Variants in TCF4 observed in about 807,000 individuals in gnomAD.
The protein encoded by TCF4 is SL3-3 enhancer factor 2.
In TCF4, 3 loss-of-function variants were observed where a neutral mutation model predicts 82.1. The observed-to-expected ratio is 0.04, with a 90% CI of 0.02 to 0.09. The LOEUF is 0.09. TCF4 is among the 10% of genes least tolerant of loss of function. TCF4 has a pLI of 1.00. For synonymous variants in TCF4, 276 were observed against 309.6 expected, an observed-to-expected ratio of 0.89 and a Z score of 1.14; for missense variants, 518 against 852.7, an observed-to-expected ratio of 0.61 and a Z score of 4.89.
chr18:55,586,906 G>T, intron 2 of TCF4, 139 bp downstream of exon 2: 7 of 662,296 alleles, frequency 1.1e-5, no homozygotes, highest in African/African-American at 1.9e-5. Flanking sequence ...TTGTCAAAAA[G>T]ACCTTCATAT....
At chr18:55,414,806 GCAAAAGCAAAAC>G (rs763759393) in intron 5 of TCF4, among the ~76,000 whole-genome samples, 2 of 152,114 alleles carry the variant, frequency 1.3e-5, no homozygotes, top group Admixed American at 1.3e-4. Context: ...AACAGCAACT[GCAAAAGCAAAAC>G]AAAACAAAAA....
intron 16 of TCF4, among the ~76,000 whole-genome samples, chr18:55,233,505 A>G (rs2048458891): frequency 6.6e-6 from 1 of 152,166 alleles, no homozygotes; most frequent in Non-Finnish European, 1.5e-5. Context: ...AGAGGGCAAA[A>G]TCCAAAGCCT....
chr18:55,549,684 C>A (rs2097242212), intron 3 of TCF4, among the ~76,000 whole-genome samples: 1 of 152,058 alleles, frequency 6.6e-6, no homozygotes, highest in Non-Finnish European at 1.5e-5. Flanking sequence ...AAGCCTTCTT[C>A]TGGAATCCCT....
rs1568985609 is a variant in TCF4 at position 55,321,586 on chromosome 18, C to T, written c.549+28773G>A. ...GGTGCGGCAGTCCTGCACAACTTTG[C>T]AAACAATGATCACCACCTAGGATGC... is the stretch of plus-strand genomic sequence containing the variant. On this transcript the variant is annotated intron_variant, in intron 8 of 19. Transcript: ENST00000354452. The T allele has an allele frequency of 2.6e-6, 4 of 1,532,398 alleles. No individual in the cohort carries two copies. The Admixed American group carries it at 7.8e-5, about 30-fold the overall frequency. The allele number at this position is 1,532,398 out of a possible 1,614,324, so 94.9% of individuals were successfully genotyped here.
At chr18:55,231,841 T>C (rs1287251320) in intron 17 of TCF4, 4 of 152,202 alleles carry the variant, frequency 2.6e-5, no homozygotes, top group Admixed American at 6.5e-5. Context: ...TTGGTTGAAT[T>C]TGTGAATAAA....
chr18:55,290,247 A>C (rs2064733868), intron 8 of TCF4, among the ~76,000 whole-genome samples: 1 of 152,192 alleles, frequency 6.6e-6, no homozygotes, highest in African/African-American at 2.4e-5. Context: ...ATCCTTAAGA[A>C]AGGACTTAAG....
intron 3 of TCF4, among the ~76,000 whole-genome samples, chr18:55,554,492 T>C (rs1038480567): frequency 6.6e-6 from 1 of 152,218 alleles, no homozygotes; most frequent in African/African-American, 2.4e-5. Context: ...GAAATTCTTA[T>C]ATTTTTTATT....
intron 3 of TCF4, among the ~76,000 whole-genome samples, chr18:55,471,719 T>C (rs1468617557): frequency 6.6e-6 from 1 of 151,264 alleles, no homozygotes; most frequent in Non-Finnish European, 1.5e-5. Context: ...TGATCCAAGA[T>C]TGTGCCACTG....
intron 3 of TCF4, among the ~76,000 whole-genome samples, chr18:55,534,247 G>GA (rs2097095617): frequency 6.6e-6 from 1 of 152,222 alleles, no homozygotes; most frequent in South Asian, 2.1e-4. Context: ...TCAGATTAGG[G>GA]ACGCTCAACC....
intron 3 of TCF4, chr18:55,553,126 TA>T (rs1458902345): frequency 1.3e-5 from 2 of 152,210 alleles, no homozygotes. Flanking sequence ...AAGAGTGACT[TA>T]GAGACAAACA....
At chr18:55,285,821 T>G (rs917441449) in intron 8 of TCF4, among the ~76,000 whole-genome samples, 11 of 152,162 alleles carry the variant, frequency 7.2e-5, no homozygotes, top group Non-Finnish European at 1.5e-4. Context: ...TCTTCTGGAG[T>G]GCTAGTGGGA....
intron 3 of TCF4, among the ~76,000 whole-genome samples, chr18:55,530,566 G>GC (rs890046915): frequency 6.7e-6 from 1 of 148,474 alleles, no homozygotes; most frequent in African/African-American, 2.5e-5. Context: ...TGAAAAGGGG[G>GC]GGGGAAACAG....
intron 6 of TCF4, among the ~76,000 whole-genome samples, chr18:55,380,982 T>C (rs975690603): frequency 1.3e-5 from 2 of 152,182 alleles, no homozygotes; most frequent in African/African-American, 4.8e-5. Context: ...ATTTTAAAAT[T>C]AAGTTAGCAT....
At chr18:55,315,489 G>C (rs961977532) in intron 8 of TCF4, among the ~76,000 whole-genome samples, 28 of 152,208 alleles carry the variant, frequency 1.8e-4, no homozygotes, top group Admixed American at 6.5e-4. Flanking sequence ...CAAATAAAAG[G>C]TTGTAGTTTG....
At chr18:55,623,344 A>G (rs2097723386) in intron 2 of TCF4, among the ~76,000 whole-genome samples, 1 of 152,238 alleles carries the variant, frequency 6.6e-6, no homozygotes. Flanking sequence ...AACAACAAAA[A>G]TAGTTCTTAA....
rs2046010006 is a variant in TCF4, at chr18:55,222,576, C to T, written c.*5459G>A. 6.6e-6 allele frequency: 1 copy of T among 152,504 alleles called. No homozygotes were observed. Among genetic ancestry groups the T allele is most frequent in the Non-Finnish European group, 1.5e-5 (1 of 68,018 alleles). 9.4% of individuals were successfully genotyped at this position (152,504 alleles called of 1,614,324 possible). On this transcript the variant is annotated 3_prime_UTR_variant, in exon 20 of 20. Coordinates refer to ENST00000354452, the MANE Select transcript of TCF4 (RefSeq NM_001083962.2). ...TTTTCCTTCAACTAGTCACTAAACC[C>T]AATTAGAAAGAATACAAGAGCAATA...
rs376424636 is a variant in TCF4, at chr18:55,542,243, TC to T, written c.145+43036del. On this transcript the variant is annotated intron_variant, in intron 3 of 19. Coordinates refer to ENST00000354452, the MANE Select transcript of TCF4 (RefSeq NM_001083962.2). ...GTTTCTGAGTTTCCATGAGTATAGT[TC>T]CCATAAATGCCATCAACTGAATGTT... Among the ~76,000 whole-genome samples the T allele has an allele frequency of 6.3e-3, 959 of 152,090 alleles. 14 individuals carry two copies. Among genetic ancestry groups the T allele is most frequent in the African/African-American group, 0.022 (923 of 41,552 alleles).
chr18:55,346,863 T>G (rs185255166), intron 8 of TCF4, among the ~76,000 whole-genome samples: 1 of 152,332 alleles, frequency 6.6e-6, no homozygotes, highest in East Asian at 1.9e-4. Flanking sequence ...AATATAAAAT[T>G]TTTTGCTACT....
intron 3 of TCF4, among the ~76,000 whole-genome samples, chr18:55,474,258 TAC>T (rs1221181220): frequency 6.6e-6 from 1 of 152,200 alleles, no homozygotes; most frequent in Admixed American, 6.5e-5. Flanking sequence ...TGCCTAAATT[TAC>T]AGTGTGATAC....
Sources: gnomAD v4.1 joint callset for allele counts (sites outside exome capture counted in the v4.1 genomes callset) on GRCh38, gnomAD v4.1.1 for gene constraint, MANE v1.5 for transcripts, NCBI Gene and HGNC (gene_info 2026-07-23, HGNC 2026-07-21) for gene names.